Variants in OR4K1 observed in about 807,000 individuals in gnomAD.
The protein encoded by OR4K1 is olfactory receptor 4K1.
In OR4K1, 16 loss-of-function variants were observed where a neutral mutation model predicts 14.4. That is an observed-to-expected ratio of 1.11 (90% CI 0.75 to 1.68). The LOEUF (loss-of-function observed/expected upper bound fraction) is 1.68. OR4K1 is among the 40% of genes most tolerant of loss of function. OR4K1 has a pLI of 0.00. For synonymous variants in OR4K1, 181 were observed against 133.1 expected, an observed-to-expected ratio of 1.36 and a Z score of -2.48; for missense variants, 548 against 376.9, an observed-to-expected ratio of 1.45 and a Z score of -3.76.
chr14:19,922,655 C>CT, the OR4K1 span, among the ~76,000 whole-genome samples: 101,986 of 146,764 alleles, frequency 0.69, 32,499 homozygotes, highest in Non-Finnish European at 0.78. Context: ...TACATGTACT[C>CT]TTTTTTTTTT....
the OR4K1 span, chr14:19,920,959 T>C: frequency 6.2e-7 from 1 of 1,614,208 alleles, no homozygotes; most frequent in African/African-American, 1.3e-5. Context: ...CTTGTTTCGA[T>C]GGCCTATGAC....
upstream of OR4K1, among the ~76,000 whole-genome samples, chr14:19,930,231 C>T (rs1214036779): frequency 2.6e-5 from 4 of 152,078 alleles, no homozygotes; most frequent in African/African-American, 4.8e-5. Flanking sequence ...GAATGTTTTA[C>T]TAAGGTGTAC....
In OR4K1 at chr14:19,936,640, A is replaced by G; in HGVS notation, c.*38A>G. 1 of 1,528,408 alleles carries G rather than the reference A, an allele frequency of 6.5e-7. No homozygotes were observed. The highest frequency in any genetic ancestry group is 8.8e-7 in the Non-Finnish European group (1 of 1,130,420). 94.7% of individuals were successfully genotyped at this position (1,528,408 alleles called of 1,614,324 possible). On this transcript the variant is annotated 3_prime_UTR_variant, in exon 2 of 2. Transcript: ENST00000641172. Reference sequence around the variant, plus strand: ...AGGAGCATAATCCTGAATTAGAATGAAGACCCTCCAGTGTATCATAGTGTC... The same window carrying G: ...AGGAGCATAATCCTGAATTAGAATGGAGACCCTCCAGTGTATCATAGTGTC...
chr14:19,921,369 A>T, the OR4K1 span: 3 of 1,614,178 alleles, frequency 1.9e-6, no homozygotes, highest in South Asian at 3.3e-5. Flanking sequence ...TGGACCTTGC[A>T]TCTTCATCTA....
chr14:19,929,386 TGTGTGTGTGTGTGTGTGTGC>T (rs1882134596), upstream of OR4K1, among the ~76,000 whole-genome samples: 1 of 149,796 alleles, frequency 6.7e-6, no homozygotes, highest in Admixed American at 6.7e-5. Flanking sequence ...TGTGTGTGTG[TGTGTGTGTGTGTGTGTGTGC>T]GTATGGGGGG....
chr14:19,935,860 A>T lies in OR4K1; in HGVS notation c.194A>T (p.Asn65Ile). The T allele has an allele frequency of 6.2e-7, 1 of 1,614,182 alleles. No homozygotes were observed. The highest frequency in any genetic ancestry group is 8.5e-7 in the Non-Finnish European group (1 of 1,180,030). Reference protein sequence around the residue: ...LNSPMYFLLSNLSFIDICQSN... With the variant: ...LNSPMYFLLSILSFIDICQSN... ...TCTCCTATGTACTTCTTGCTCAGTAATCTTTCTTTCATTGATATCTGTCAG... is the reference window on the plus strand; with the variant it reads ...TCTCCTATGTACTTCTTGCTCAGTATTCTTTCTTTCATTGATATCTGTCAG... Residue 65 changes from asparagine (N) to isoleucine (I), a missense_variant, in exon 2 of 2, where the codon AAT becomes ATT. Physicochemically the swap from Asn to Ile is moderately radical, Grantham distance 149. Coordinates refer to ENST00000641172, the MANE Select transcript of OR4K1 (RefSeq NM_001004063.3).
rs1050075026 is a variant in OR4K1, at chr14:19,935,637, C to A, written c.-19-11C>A. 23 of 1,525,912 alleles carry A rather than the reference C, an allele frequency of 1.5e-5. No individual in the cohort carries two copies. The highest frequency in any genetic ancestry group is 2.3e-5 in the East Asian group (1 of 44,146). The allele number at this position is 1,525,912 out of a possible 1,614,324, so 94.5% of individuals were successfully genotyped here. ...AATCATTGTGACATTTTTCTGATTT[C>A]TTTTTTTTAGGTAACTGAATATTGG... On this transcript the variant is annotated splice_polypyrimidine_tract_variant and intron_variant, in intron 1 of 1. Coordinates refer to ENST00000641172, the MANE Select transcript of OR4K1 (RefSeq NM_001004063.3).
At position 19,935,936 on chromosome 14, in the gene OR4K1, G is replaced by A. The variant is rs754389501; in HGVS notation, c.270G>A (p.Lys90=). Reference sequence around the variant, plus strand: ...TTGTAGACTTTTTTATTGAGCGCAAGACTATCTCCTTTGAGGGTTGCATGG... The same window carrying A: ...TTGTAGACTTTTTTATTGAGCGCAAAACTATCTCCTTTGAGGGTTGCATGG... ...KMLVDFFIER[K]TISFEGCMAQ... is the part of the protein sequence containing the mutation. The change falls in exon 2 of 2, where the codon AAG becomes AAA. Residue 90 remains lysine, a synonymous_variant. Transcript: ENST00000641172. 102 of 1,614,200 alleles carry A rather than the reference G, an allele frequency of 6.3e-5. No homozygotes were observed. The highest frequency in any genetic ancestry group is 8.1e-5 in the Non-Finnish European group (96 of 1,180,026).
intron 1 of OR4K1, among the ~76,000 whole-genome samples, chr14:19,935,274 T>G (rs544430932): frequency 6.6e-6 from 1 of 152,380 alleles, no homozygotes; most frequent in Non-Finnish European, 1.5e-5. Flanking sequence ...TTAGCACAAA[T>G]AGAAATTATT....
intron 1 of OR4K1, among the ~76,000 whole-genome samples, chr14:19,932,496 T>A (rs1471137685): frequency 6.6e-6 from 1 of 152,234 alleles, no homozygotes; most frequent in Non-Finnish European, 1.5e-5. Flanking sequence ...TTTCACATGT[T>A]AGAAAAGGAG....
upstream of OR4K1, among the ~76,000 whole-genome samples, chr14:19,928,876 T>C (rs1428443100): frequency 6.6e-6 from 1 of 152,124 alleles, no homozygotes; most frequent in African/African-American, 2.4e-5. Context: ...AATATTTTGA[T>C]TTACAAGGAA....
upstream of OR4K1, among the ~76,000 whole-genome samples, chr14:19,927,111 C>G (rs1488068699): frequency 6.6e-6 from 1 of 152,236 alleles, no homozygotes; most frequent in Non-Finnish European, 1.5e-5. Flanking sequence ...TATAAAGGCA[C>G]TAGGAATTGG....
chr14:19,924,704 C>G, the OR4K1 span, among the ~76,000 whole-genome samples: 1 of 152,156 alleles, frequency 6.6e-6, no homozygotes, highest in East Asian at 1.9e-4. Context: ...GTTATATACC[C>G]AAAGGAATAT....
At chr14:19,933,226 AAAGGATTT>A (rs1882225302) in intron 1 of OR4K1, among the ~76,000 whole-genome samples, 1 of 116,480 alleles carries the variant, frequency 8.6e-6, no homozygotes, top group African/African-American at 2.5e-5. Flanking sequence ...TGCTCTGTGT[AAAGGATTT>A]TTTTTTTGCT....
upstream of OR4K1, among the ~76,000 whole-genome samples, chr14:19,926,381 A>G (rs188099120): frequency 2.6e-3 from 400 of 152,304 alleles, no homozygotes; most frequent in South Asian, 3.7e-3. Context: ...ATGATAATCT[A>G]TAGAACATCA....
At chr14:19,923,183 A>C in the OR4K1 span, among the ~76,000 whole-genome samples, 1 of 152,166 alleles carries the variant, frequency 6.6e-6, no homozygotes, top group Non-Finnish European at 1.5e-5. Flanking sequence ...ATTTCCCTCA[A>C]TTTGCAATAC....
the OR4K1 span, among the ~76,000 whole-genome samples, chr14:19,925,881 T>A: frequency 6.6e-6 from 1 of 152,218 alleles, no homozygotes; most frequent in South Asian, 2.1e-4. Flanking sequence ...AGGAGGAAAG[T>A]ATCAGAGGTA....
chr14:19,932,960 T>A (rs1048908460), intron 1 of OR4K1, among the ~76,000 whole-genome samples: 1 of 134,540 alleles, frequency 7.4e-6, no homozygotes, highest in African/African-American at 2.7e-5. Context: ...AATAATAATA[T>A]TTATAACACT....
At chr14:19,930,022 CATT>C (rs1164699316), upstream of OR4K1, among the ~76,000 whole-genome samples, 1 of 152,026 alleles carries the variant, frequency 6.6e-6, no homozygotes, top group Non-Finnish European at 1.5e-5. Context: ...TTTCCCTCAA[CATT>C]ATGTTTTTAA....
Sources: allele counts gnomAD v4.1 joint callset (sites outside exome capture counted in the v4.1 genomes callset), GRCh38; gene constraint gnomAD v4.1.1; transcripts MANE v1.5; gene names NCBI Gene and HGNC (gene_info 2026-07-23, HGNC 2026-07-21).